The following PRIMPOL variants were observed in gnomAD, a reference collection of about 807,000 sequenced individuals.
PRIMPOL encodes the protein primase and DNA directed polymerase, also known as DNA-directed primase/polymerase protein.
A neutral mutation model predicts 63.6 loss-of-function variants in PRIMPOL; 54 were observed. That is an observed-to-expected ratio of 0.85 (90% confidence interval 0.68 to 1.07). PRIMPOL has a LOEUF of 1.07. Among genes scored for constraint, PRIMPOL ranks in the 50% least tolerant of loss-of-function variants. The probability of loss-of-function intolerance (pLI) is 0.00; values close to 1 mark genes in which losing one functional copy is unlikely to be tolerated. For missense variants in PRIMPOL, 610 were observed against 648.3 expected, an observed-to-expected ratio of 0.94 and a Z score of 0.64; for synonymous variants, 197 against 220.2, an observed-to-expected ratio of 0.89 and a Z score of 0.93.
At chr4:184,665,435 G>A (rs145278218) in intron 5 of PRIMPOL, among the ~76,000 whole-genome samples, 48 of 151,814 alleles carry the variant, frequency 3.2e-4, no homozygotes, top group Non-Finnish European at 6.6e-4. Flanking sequence ...CTTAGAGCTG[G>A]AGTCAGGCTC....
At chr4:184,659,866 A>T (rs191937786) in intron 4 of PRIMPOL, among the ~76,000 whole-genome samples, 6 of 152,062 alleles carry the variant, frequency 3.9e-5, no homozygotes, top group African/African-American at 1.4e-4. Flanking sequence ...TGTTGCCCAG[A>T]CTGGTCTGCA....
intron 13 of PRIMPOL, chr4:184,694,303 A>G: frequency 1.5e-6 from 2 of 1,322,632 alleles, no homozygotes; most frequent in Non-Finnish European, 1.9e-6. Context: ...GGTAATTTCA[A>G]ATTTGGAGTT....
chr4:184,665,849 G>C, intron 5 of PRIMPOL, 68 bp from the exon 6 acceptor site: 1 of 1,029,998 alleles, frequency 9.7e-7, no homozygotes, highest in Non-Finnish European at 1.4e-6. Context: ...ATAAAGAGAT[G>C]CTTATTGCTT....
At chr4:184,660,138 CTGAG>C (rs1747880620) in intron 4 of PRIMPOL, among the ~76,000 whole-genome samples, 1 of 150,912 alleles carries the variant, frequency 6.6e-6, no homozygotes, top group South Asian at 2.1e-4. Context: ...TTTATTTTGA[CTGAG>C]TGATCTATTC....
At chr4:184,660,944 T>C (rs1354313183) in intron 4 of PRIMPOL, among the ~76,000 whole-genome samples, 1 of 152,212 alleles carries the variant, frequency 6.6e-6, no homozygotes, top group Non-Finnish European at 1.5e-5. Flanking sequence ...TCATTCCTCT[T>C]AATGCCAGAA....
intron 5 of PRIMPOL, among the ~76,000 whole-genome samples, chr4:184,662,581 A>G (rs1470635340): frequency 1.3e-5 from 2 of 152,212 alleles, no homozygotes; most frequent in African/African-American, 4.8e-5. Flanking sequence ...AAAAATTTTC[A>G]GATTGTATCA....
intron 13 of PRIMPOL, 134 bp downstream of exon 13, chr4:184,691,846 G>C: frequency 6.2e-6 from 4 of 648,030 alleles, no homozygotes; most frequent in Non-Finnish European, 8.0e-6. Context: ...TGTATTATAG[G>C]AATATATTGT....
chr4:184,657,950 G>A (rs972139866), intron 3 of PRIMPOL, among the ~76,000 whole-genome samples: 10 of 151,774 alleles, frequency 6.6e-5, no homozygotes, highest in African/African-American at 2.2e-4. Context: ...CCGAGATCGC[G>A]CCATTGCACT....
In PRIMPOL at chr4:184,649,783, G is replaced by GGAGGGAAATT. The variant is rs1743619785; in HGVS notation, c.-256_-247dup. On this transcript the variant is annotated 5_prime_UTR_variant, in exon 1 of 14. Coordinates refer to ENST00000314970, the MANE Select transcript of PRIMPOL (RefSeq NM_152683.4). Reference sequence around the variant, plus strand: ...GCTTCCGCTCCCAGCGCGGGATTCTGGAGGGAAATTGAGGGAGACTTGGAA... The same window carrying GGAGGGAAATT: ...GCTTCCGCTCCCAGCGCGGGATTCTGGAGGGAAATTGAGGGAAATTGAGGGAGACTTGGAA... 6.6e-6 allele frequency: 1 copy of GGAGGGAAATT among 152,428 alleles called. No homozygotes were observed. Among genetic ancestry groups the GGAGGGAAATT allele is most frequent in the African/African-American group, 2.4e-5 (1 of 41,474 alleles). The allele number at this position is 152,428 out of a possible 1,614,324, so 9.4% of individuals were successfully genotyped here.
intron 8 of PRIMPOL, among the ~76,000 whole-genome samples, chr4:184,679,895 C>G (rs1755144928): frequency 6.6e-6 from 1 of 152,132 alleles, no homozygotes; most frequent in Admixed American, 6.5e-5. Context: ...GCCCCTGCCC[C>G]ACCCATGGAA....
At chr4:184,686,837 C>CTA (rs1315434024) in intron 11 of PRIMPOL, among the ~76,000 whole-genome samples, 1 of 152,082 alleles carries the variant, frequency 6.6e-6, no homozygotes, top group African/African-American at 2.4e-5. Flanking sequence ...CTTGCAAAAA[C>CTA]TATATGCTCA....
chr4:184,685,151 C>T (rs1376001308), intron 9 of PRIMPOL, among the ~76,000 whole-genome samples: 1 of 152,108 alleles, frequency 6.6e-6, no homozygotes, highest in Non-Finnish European at 1.5e-5. Flanking sequence ...GACTGCCTTT[C>T]TCTTTGCCAA....
intron 11 of PRIMPOL, among the ~76,000 whole-genome samples, chr4:184,686,461 G>A (rs575490135): frequency 5.6e-4 from 86 of 152,292 alleles, no homozygotes; most frequent in Non-Finnish European, 1.1e-3. Context: ...GGTACTGAGG[G>A]AACTAGTATT....
intron 8 of PRIMPOL, among the ~76,000 whole-genome samples, chr4:184,681,452 C>G (rs942685327): frequency 7.9e-5 from 12 of 152,190 alleles, no homozygotes; most frequent in African/African-American, 2.4e-4. Flanking sequence ...CTATATAATA[C>G]TGTAAATCCT....
At chr4:184,657,584 G>T (rs914972564) in intron 3 of PRIMPOL, 3 of 268,506 alleles carry the variant, frequency 1.1e-5, no homozygotes, top group African/African-American at 6.6e-5. Context: ...TTTAAAAATT[G>T]TGATGATATT....
chr4:184,672,023 A>C (rs747023301), intron 6 of PRIMPOL, 150 bp from the exon 7 acceptor site: 91 of 723,626 alleles, frequency 1.3e-4, no homozygotes, highest in Admixed American at 2.9e-4. Flanking sequence ...TACAGGCGTG[A>C]GCCACTGTGC....
At chr4:184,651,290 C>CAAAAAAA (rs1203681677) in intron 1 of PRIMPOL, among the ~76,000 whole-genome samples, 1 of 143,930 alleles carries the variant, frequency 6.9e-6, no homozygotes, top group African/African-American at 2.8e-5. Flanking sequence ...GACTCTGTCT[C>CAAAAAAA]AAAAAAAAGA....
intron 3 of PRIMPOL, among the ~76,000 whole-genome samples, chr4:184,658,768 C>T (rs536388061): frequency 2.0e-5 from 3 of 151,972 alleles, no homozygotes; most frequent in East Asian, 1.9e-4. Context: ...ATTAATCGGG[C>T]GTGGTGGTGG....
At chr4:184,681,663 C>T (rs1755662583) in intron 8 of PRIMPOL, among the ~76,000 whole-genome samples, 2 of 152,082 alleles carry the variant, frequency 1.3e-5, no homozygotes, top group Admixed American at 1.3e-4. Flanking sequence ...CAACCTCTGC[C>T]TCCTGGGTTC....
Sources: allele counts gnomAD v4.1 joint callset (sites outside exome capture counted in the v4.1 genomes callset), GRCh38; gene constraint gnomAD v4.1.1; transcripts MANE v1.5; gene names NCBI Gene and HGNC (gene_info 2026-07-23, HGNC 2026-07-21).